The following FSTL4 variants were observed in gnomAD, a reference collection of about 807,000 sequenced individuals.
FSTL4 encodes follistatin like 4.
A neutral mutation model predicts 78.2 loss-of-function variants in FSTL4; 28 were observed. The observed-to-expected ratio is 0.36, with a 90% CI of 0.27 to 0.49. FSTL4 has a LOEUF of 0.49. Ranked by LOEUF, FSTL4 falls within the 20% of genes least tolerant of loss-of-function variation. The pLI, the probability that FSTL4 is intolerant of heterozygous loss-of-function variation, is 0.98. For synonymous variants in FSTL4, 422 were observed against 440.5 expected (o/e 0.96, Z 0.53); for missense variants, 922 against 1,084.9 (o/e 0.85, Z 2.11).
At position 133,201,925 on chromosome 5, in the gene FSTL4, A is replaced by G. The variant is rs1252732255; in HGVS notation, c.1826+8T>C. 6.5e-7 allele frequency: 1 copy of G among 1,537,272 alleles called. No individual in the cohort carries two copies. The highest frequency in any genetic ancestry group is 1.2e-5 in the South Asian group (1 of 85,244). ...GAGTGCCTTAGAGGCATCATGGGCC[A>G]GTCTCACCTGATGTGGTTGATGATG... On this transcript the variant is annotated splice_region_variant and intron_variant, in intron 15 of 15. Transcript: ENST00000265342.
chr5:133,396,549 G>A (rs538349965), intron 4 of FSTL4, among the ~76,000 whole-genome samples: 1 of 152,202 alleles, frequency 6.6e-6, no homozygotes, highest in Non-Finnish European at 1.5e-5. Flanking sequence ...ATCCCAGGAA[G>A]TGAGTCTCCC....
the FSTL4 span, among the ~76,000 whole-genome samples, chr5:133,806,788 T>C: frequency 6.6e-6 from 1 of 152,138 alleles, no homozygotes; most frequent in African/African-American, 2.4e-5. Context: ...TGCTGCCCCA[T>C]AACTGCTTAT....
At chr5:133,487,345 T>C (rs1196185882) in intron 3 of FSTL4, among the ~76,000 whole-genome samples, 2 of 152,170 alleles carry the variant, frequency 1.3e-5, no homozygotes, top group Non-Finnish European at 2.9e-5. Context: ...CTGCTTGATA[T>C]TCACTTCCTT....
At chr5:133,824,789 C>A in the FSTL4 span, among the ~76,000 whole-genome samples, 55 of 152,196 alleles carry the variant, frequency 3.6e-4, no homozygotes, top group African/African-American at 1.3e-3. Context: ...GCCAGGCATG[C>A]ACCGGGAAAC....
chr5:133,292,314 C>T (rs543310263), intron 6 of FSTL4, among the ~76,000 whole-genome samples: 1 of 152,332 alleles, frequency 6.6e-6, no homozygotes, highest in East Asian at 1.9e-4. Context: ...CACAAGAGCT[C>T]AGACCACCAG....
the FSTL4 span, among the ~76,000 whole-genome samples, chr5:133,764,006 C>T: frequency 6.6e-6 from 1 of 152,146 alleles, no homozygotes; most frequent in Admixed American, 6.5e-5. Flanking sequence ...ACAGTCCCTG[C>T]CCGTGGCATC....
At chr5:133,723,600 G>A in the FSTL4 span, among the ~76,000 whole-genome samples, 1 of 152,184 alleles carries the variant, frequency 6.6e-6, no homozygotes, top group South Asian at 2.1e-4. Flanking sequence ...GCGTGCCTCA[G>A]CAGCTCACAC....
chr5:133,764,560 C>T, the FSTL4 span, among the ~76,000 whole-genome samples: 1 of 152,020 alleles, frequency 6.6e-6, no homozygotes, highest in Non-Finnish European at 1.5e-5. Context: ...TCCCCCAAAA[C>T]AATGCACCTA....
intron 5 of FSTL4, among the ~76,000 whole-genome samples, chr5:133,315,622 C>T (rs1482387437): frequency 6.6e-6 from 1 of 152,202 alleles, no homozygotes; most frequent in Non-Finnish European, 1.5e-5. Context: ...GGCTGCCCAC[C>T]GCCCCCCACC....
intron 3 of FSTL4, among the ~76,000 whole-genome samples, chr5:133,529,093 G>A (rs823981): frequency 0.38 from 57,535 of 151,966 alleles, 11,082 homozygotes; most frequent in East Asian, 0.42. Flanking sequence ...TCCACGAATG[G>A]CCATGTGGAA....
chr5:133,319,238 A>G (rs1000247074), intron 4 of FSTL4, among the ~76,000 whole-genome samples: 7 of 152,216 alleles, frequency 4.6e-5, no homozygotes, highest in African/African-American at 7.2e-5. Flanking sequence ...CTAGAAGTCA[A>G]TCATCTGGGG....
intron 3 of FSTL4, among the ~76,000 whole-genome samples, chr5:133,480,295 T>A (rs983735497): frequency 1.3e-5 from 2 of 152,214 alleles, no homozygotes; most frequent in Admixed American, 6.5e-5. Flanking sequence ...GACCATAATA[T>A]TAACCTTTCA....
chr5:133,247,811 A>T (rs1194575554), intron 7 of FSTL4: 3 of 152,302 alleles, frequency 2.0e-5, no homozygotes, highest in Non-Finnish European at 4.4e-5. Context: ...CCAGTGTGAC[A>T]AGGCTAGGGG....
At chr5:133,260,472 G>A (rs1752491754) in intron 6 of FSTL4, among the ~76,000 whole-genome samples, 1 of 152,234 alleles carries the variant, frequency 6.6e-6, no homozygotes. Flanking sequence ...CACAGTGGCT[G>A]ATGAACTCCT....
Position 133,229,172 on chromosome 5 carries a change from G to A in FSTL4, c.1016-3353C>T, listed in dbSNP as rs557456218. Among the ~76,000 whole-genome samples the A allele has an allele frequency of 1.4e-3, 216 of 152,236 alleles. 1 individual carries two copies. Among genetic ancestry groups the A allele is most frequent in the African/African-American group, 4.9e-3 (203 of 41,548 alleles). ...CTCTTGGATAGAAAGACTTAATATC[G>A]TTAGGAAACAAATTCAAAATTAAGC... On this transcript the variant is annotated intron_variant, in intron 8 of 15. Transcript: ENST00000265342.
At chr5:133,736,930 T>TA in the FSTL4 span, among the ~76,000 whole-genome samples, 10 of 152,026 alleles carry the variant, frequency 6.6e-5, no homozygotes, top group Admixed American at 1.3e-4. Flanking sequence ...GGATCTTTTT[T>TA]AAAAAAATGT....
chr5:133,535,250 G>A (rs187728387), intron 3 of FSTL4, among the ~76,000 whole-genome samples: 3 of 152,232 alleles, frequency 2.0e-5, no homozygotes, highest in Admixed American at 2.0e-4. Flanking sequence ...TTGGGAGCAA[G>A]CCCCCCAAAA....
At chr5:133,495,152 C>T (rs1470475319) in intron 3 of FSTL4, among the ~76,000 whole-genome samples, 7 of 152,158 alleles carry the variant, frequency 4.6e-5, no homozygotes, top group Admixed American at 2.6e-4. Flanking sequence ...ACTTACACAC[C>T]GGTTGGGAAT....
chr5:133,567,199 G>A lies in FSTL4; in HGVS notation c.147C>T (p.Val49=). The A allele has an allele frequency of 6.2e-7, 1 of 1,608,812 alleles. No individual in the cohort carries two copies. The highest frequency in any genetic ancestry group is 8.5e-7 in the Non-Finnish European group (1 of 1,175,134). ...SQAEEPRSFE[V]TRREGLSSHN... ...CATTTTTCCTACCTTCTCTTCTTGTGACTTCAAAGCTTCTGGGCTCCTGCA... is the reference window on the plus strand; with the variant it reads ...CATTTTTCCTACCTTCTCTTCTTGTAACTTCAAAGCTTCTGGGCTCCTGCA... The change falls in exon 3 of 16, where the codon GTC becomes GTT. Residue 49 remains valine (V), a synonymous_variant. Coordinates refer to ENST00000265342, the MANE Select transcript of FSTL4 (RefSeq NM_015082.2).
Sources: allele counts gnomAD v4.1 joint callset (sites outside exome capture counted in the v4.1 genomes callset), GRCh38; gene constraint gnomAD v4.1.1; transcripts MANE v1.5; gene names NCBI Gene and HGNC (gene_info 2026-07-23, HGNC 2026-07-21).